Variants in SH3TC1 observed in about 807,000 individuals in gnomAD.
SH3TC1 encodes SH3 domain and tetratricopeptide repeats 1, also known as SH3 domain and tetratricopeptide repeat-containing protein 1.
A neutral mutation model predicts 117.3 loss-of-function variants in SH3TC1; 135 were observed. That is an observed-to-expected ratio of 1.15 (90% CI 1.00 to 1.33). The LOEUF is 1.33. Ranked by LOEUF, SH3TC1 falls within the 40% of genes most tolerant of loss-of-function variation. SH3TC1 has a pLI of 0.00. For missense variants in SH3TC1, 2,092 were observed against 1,794.3 expected, an observed-to-expected ratio of 1.17 and a Z score of -3.00; for synonymous variants, 898 against 816.9, an observed-to-expected ratio of 1.10 and a Z score of -1.69.
chr4:8,211,034 C>G (rs1297051234), intron 3 of SH3TC1, among the ~76,000 whole-genome samples: 1 of 149,786 alleles, frequency 6.7e-6, no homozygotes, highest in Non-Finnish European at 1.5e-5. Flanking sequence ...CTCCCTCTCT[C>G]TCTTCCTCCC....
chr4:8,197,767 G>A (rs764054521), upstream of SH3TC1, among the ~76,000 whole-genome samples: 1 of 152,202 alleles, frequency 6.6e-6, no homozygotes, highest in Non-Finnish European at 1.5e-5. Context: ...CCCCGATCCC[G>A]GGCCCTGGCC....
At position 8,216,186 on chromosome 4, in the gene SH3TC1, A is replaced by G. The variant is rs1435082285; in HGVS notation, c.557A>G (p.Glu186Gly). 1 of 1,613,778 alleles carries G rather than the reference A, an allele frequency of 6.2e-7. No individual in the cohort carries two copies. Among genetic ancestry groups the G allele is most frequent in the Non-Finnish European group, 8.5e-7 (1 of 1,180,016 alleles). Residue 186 changes from glutamate to glycine, a missense_variant, in exon 6 of 18, where the codon GAG becomes GGG. Transcript: ENST00000245105. Reference sequence around the variant, plus strand: ...CTGCTCTTGCCCAGTGAGGAGGAGGAGACGGCCATCCAAGTCCATGTGGAT... The same window carrying G: ...CTGCTCTTGCCCAGTGAGGAGGAGGGGACGGCCATCCAAGTCCATGTGGAT... The part of the protein sequence containing the change: ...FWLLLPSEEE[E>G]TAIQVHVDEN...
intron 6 of SH3TC1, 105 bp downstream of exon 6, chr4:8,216,362 G>C (rs1056298729): frequency 2.7e-6 from 4 of 1,474,230 alleles, no homozygotes; most frequent in Admixed American, 2.2e-5. Flanking sequence ...CTGGGGCTGT[G>C]GGCTGCGGAG....
rs1461086274 is a variant in SH3TC1 at position 8,186,058 on chromosome 4, C to A, written c.-57+3848C>A. On this transcript the variant is annotated intron_variant, in intron 1 of 16. Transcript: ENST00000508641. This position sits in a 1 kb window ranked among gnomAD's most constrained non-coding sequence, Gnocchi z 5.2. Reference sequence around the variant, plus strand: ...TACATTTTACGGTGATAGGCAGGAGCTGTCCGCGCGGGCCCCTCGCTGTTT... The same window carrying A: ...TACATTTTACGGTGATAGGCAGGAGATGTCCGCGCGGGCCCCTCGCTGTTT... Among the ~76,000 whole-genome samples the A allele has an allele frequency of 6.6e-6, 1 of 152,220 alleles. No homozygotes were observed. The highest frequency in any genetic ancestry group is 1.5e-5 in the Non-Finnish European group (1 of 68,050).
At chr4:8,195,070 G>T (rs374659608), upstream of SH3TC1, among the ~76,000 whole-genome samples, 57 of 152,248 alleles carry the variant, frequency 3.7e-4, no homozygotes, top group African/African-American at 1.3e-3. Flanking sequence ...GGCATCAGGA[G>T]ACACTCACCA....
At chr4:8,221,885 C>T (rs1299676) in intron 9 of SH3TC1, among the ~76,000 whole-genome samples, 149,304 of 152,322 alleles carry the variant, frequency 0.98, 73,238 homozygotes, top group East Asian at 1. Context: ...CAGTCTTTTT[C>T]TGATGTTTTT....
chr4:8,212,475 C>A (rs986475669), intron 3 of SH3TC1, among the ~76,000 whole-genome samples: 4 of 152,220 alleles, frequency 2.6e-5, no homozygotes, highest in Non-Finnish European at 5.9e-5. Flanking sequence ...ACAGGACAGG[C>A]ACTCACCCCG....
chr4:8,218,425 C>A, intron 8 of SH3TC1, 78 bp downstream of exon 8: 2 of 1,043,220 alleles, frequency 1.9e-6, no homozygotes, highest in Non-Finnish European at 2.9e-6. Flanking sequence ...GGAAGTTGCC[C>A]TACATCCTCC....
chr4:8,198,942 CGT>C (rs147305036), upstream of SH3TC1, among the ~76,000 whole-genome samples: 6 of 151,658 alleles, frequency 4.0e-5, no homozygotes, highest in Non-Finnish European at 5.9e-5. Context: ...TGCAGGCATG[CGT>C]GTGTGTGTGT....
chr4:8,206,347 C>A lies in SH3TC1; in HGVS notation c.172+981C>A, dbSNP rs1718205628. The stretch of plus-strand genomic sequence containing the variant: ...CCTGGGCCTGGGGAGCCCACCTGGC[C>A]ATGGAATCGCGTTCCCTCCAGGGCA... On this transcript the variant is annotated intron_variant, in intron 2 of 17. Transcript: ENST00000245105. The surrounding 1 kb of genome is among the most constrained non-coding windows in gnomAD (Gnocchi z 5.5). 6.6e-6 allele frequency among the ~76,000 whole-genome samples: 1 copy of A among 151,972 alleles called. No homozygotes were observed. Among genetic ancestry groups the A allele is most frequent in the Non-Finnish European group, 1.5e-5 (1 of 67,982 alleles).
chr4:8,192,853 T>C lies in SH3TC1; in HGVS notation c.-57+10643T>C, dbSNP rs991110344. On this transcript the variant is annotated intron_variant, in intron 1 of 16. Coordinates refer to the SH3TC1 transcript ENST00000508641. This position sits in a 1 kb window ranked among gnomAD's most constrained non-coding sequence, Gnocchi z 4.1. ...AGTTTAGGTTCATGTCGCCACCTGG[T>C]GATTGGCTTCTCTGTGCATATATTT... 3.9e-5 allele frequency among the ~76,000 whole-genome samples: 6 copies of C among 152,164 alleles called. No individual in the cohort carries two copies. The highest frequency in any genetic ancestry group is 1.4e-4 in the African/African-American group (6 of 41,434).
At chr4:8,204,924 G>A (rs1718071470) in intron 1 of SH3TC1, 2 of 335,372 alleles carry the variant, frequency 6.0e-6, no homozygotes, top group Middle Eastern at 8.0e-4. Context: ...GAAAACCAGC[G>A]AGAGGAGGCC....
intron 1 of SH3TC1, among the ~76,000 whole-genome samples, chr4:8,200,594 G>A (rs1484743436): frequency 6.6e-6 from 1 of 152,234 alleles, no homozygotes; most frequent in Non-Finnish European, 1.5e-5. Context: ...CCAGCAACAC[G>A]GGTGACGATG....
intron 1 of SH3TC1, among the ~76,000 whole-genome samples, chr4:8,193,462 C>G (rs573686558): frequency 1.3e-5 from 2 of 152,162 alleles, no homozygotes; most frequent in Non-Finnish European, 2.9e-5. Flanking sequence ...CCTGAGAAAC[C>G]CTTTACGCCC....
intron 1 of SH3TC1, among the ~76,000 whole-genome samples, chr4:8,185,373 T>C (rs1292699744): frequency 6.6e-6 from 1 of 152,084 alleles, no homozygotes; most frequent in Non-Finnish European, 1.5e-5. Flanking sequence ...TAAGGCTCCC[T>C]GTGCTGTAAA....
At chr4:8,223,779 C>G (rs183794334) in intron 10 of SH3TC1, among the ~76,000 whole-genome samples, 1 of 152,116 alleles carries the variant, frequency 6.6e-6, no homozygotes, top group African/African-American at 2.4e-5. Flanking sequence ...ACTACAGGCA[C>G]GCGCCACCAC....
At position 8,205,471 on chromosome 4, in the gene SH3TC1, T is replaced by C. The variant is rs1181125685; in HGVS notation, c.172+105T>C. On this transcript the variant is annotated intron_variant, in intron 2 of 17. Transcript: ENST00000245105. The surrounding 1 kb of genome is among the most constrained non-coding windows in gnomAD (Gnocchi z 5.4). The stretch of plus-strand genomic sequence containing the variant: ...ACCACCCTGCCTGCCTCCAGGCCTC[T>C]TGGGGCTGGGGCTGGAGTCTGCTCT... 4.5e-5 allele frequency: 63 copies of C among 1,386,096 alleles called. No homozygotes were observed. Among genetic ancestry groups the C allele is most frequent in the Non-Finnish European group, 5.9e-5 (59 of 997,484 alleles). The allele number at this position is 1,386,096 out of a possible 1,614,324, so 85.9% of individuals were successfully genotyped here. A position where few individuals can be genotyped will look rare whatever the true frequency, so the allele number is the denominator to read the frequency against.
At chr4:8,219,245 A>C in intron 8 of SH3TC1, 90 bp from the exon 9 acceptor site, 1 of 1,298,152 alleles carries the variant, frequency 7.7e-7, no homozygotes. Flanking sequence ...TGAATTCCCC[A>C]TGGTTCAGGG....
At chr4:8,231,055 G>A (rs908575896) in intron 12 of SH3TC1, 2 of 152,308 alleles carry the variant, frequency 1.3e-5, no homozygotes, top group African/African-American at 4.8e-5. Context: ...GTGCTGGGAT[G>A]ACAGGCATGA....
Sources: gnomAD v4.1 joint callset for allele counts (sites outside exome capture counted in the v4.1 genomes callset) on GRCh38, gnomAD v4.1.1 for gene constraint, Gnocchi (gnomAD v3.1) non-coding constraint, MANE v1.5 for transcripts, NCBI Gene and HGNC (gene_info 2026-07-23, HGNC 2026-07-21) for gene names.